Variants in IARS1 observed in about 807,000 individuals in gnomAD.
IARS1 encodes isoleucine--tRNA ligase, cytoplasmic.
Under a neutral mutation model 168.2 loss-of-function variants are expected in IARS1, and 124 were observed. That is an observed-to-expected ratio of 0.74 (90% confidence interval 0.64 to 0.86). The LOEUF (loss-of-function observed/expected upper bound fraction) is 0.86. IARS1 is among the 40% of genes least tolerant of loss of function. The probability of loss-of-function intolerance (pLI) is 0.00; values close to 1 mark genes in which losing one functional copy is unlikely to be tolerated. For missense variants in IARS1, 1,452 were observed against 1,515.8 expected (o/e 0.96, Z 0.70); for synonymous variants, 532 against 529.4 (o/e 1.00, Z -0.07).
chr9:92,252,480 T>C, intron 21 of IARS1: 1 of 469,306 alleles, frequency 2.1e-6, no homozygotes, highest in Non-Finnish European at 4.3e-6. Context: ...TTTTAAGACA[T>C]GACTGGCCAG....
chr9:92,262,876 G>T, intron 17 of IARS1, 93 bp downstream of exon 17: 1 of 842,428 alleles, frequency 1.2e-6, no homozygotes, highest in Non-Finnish European at 2.0e-6. Context: ...AGCTCCACCT[G>T]TCACTACAAC....
chr9:92,213,940 T>C (rs538946826), intron 33 of IARS1, among the ~76,000 whole-genome samples: 4 of 152,146 alleles, frequency 2.6e-5, no homozygotes, highest in African/African-American at 9.6e-5. Context: ...GCCTCCCAAG[T>C]AGCTGGGATT....
intron 6 of IARS1, among the ~76,000 whole-genome samples, chr9:92,285,013 C>T (rs557336211): frequency 1.3e-5 from 2 of 152,204 alleles, no homozygotes; most frequent in African/African-American, 2.4e-5. Flanking sequence ...ATAAATAAAA[C>T]GTGCTTTGAA....
Position 92,253,422 on chromosome 9 carries a change from C to A in IARS1, c.2169G>T (p.Leu723=). The A allele has an allele frequency of 1.2e-6, 2 of 1,613,724 alleles. No homozygotes were observed. ...AYRLYTVVPR[L]VKFVDILTNW... is the part of the protein sequence containing the mutation. ...TGGTCAGAATATCTACAAACTTGAC[C>A]AGGCGAGGCACCACAGTATAAAGCC... The change falls in exon 21 of 34, where the codon CTG becomes CTT. Residue 723 remains leucine, a synonymous_variant. Transcript: ENST00000443024.
At chr9:92,263,776 G>A (rs564198880) in intron 16 of IARS1, among the ~76,000 whole-genome samples, 6 of 152,296 alleles carry the variant, frequency 3.9e-5, no homozygotes, top group East Asian at 1.9e-4. Flanking sequence ...CCAAGGACAC[G>A]GGATCCACAT....
At chr9:92,252,764 CAAAAAAAAAA>C (rs34983021) in intron 21 of IARS1, among the ~76,000 whole-genome samples, 456 of 27,194 alleles carry the variant, frequency 0.017, 1 homozygote, top group South Asian at 0.061. Flanking sequence ...AACTCCTTCT[CAAAAAAAAAA>C]AAAAAAAAAA....
At chr9:92,280,008 C>A (rs77244478) in intron 7 of IARS1, among the ~76,000 whole-genome samples, 2 of 152,166 alleles carry the variant, frequency 1.3e-5, no homozygotes, top group African/African-American at 4.8e-5. Flanking sequence ...TTCCACTGTA[C>A]GTAAATACCC....
At chr9:92,245,317 T>G (rs1289545102) in intron 26 of IARS1, among the ~76,000 whole-genome samples, 1 of 152,172 alleles carries the variant, frequency 6.6e-6, no homozygotes, top group Non-Finnish European at 1.5e-5. Flanking sequence ...ATATAAACTC[T>G]CAGGTCCAAA....
intron 14 of IARS1, 121 bp downstream of exon 14, chr9:92,268,053 A>G: frequency 9.1e-7 from 1 of 1,094,442 alleles, no homozygotes; most frequent in Non-Finnish European, 1.3e-6. Context: ...ATAAAGAGGA[A>G]AAAAGATGAA....
chr9:92,268,224 T>C lies in IARS1; in HGVS notation c.1381A>G (p.Arg461Gly). ...AGTGGGATGGGGGTGCCCCAGTATC[T>C]GTTTCTGGAAATTGTCCAGTCACGT... ...DARDWTISRN[R>G]YWGTPIPLWV... The change falls in exon 14 of 34, where the codon AGA becomes GGA. Residue 461 changes from arginine to glycine, a missense_variant. Physicochemically the swap from Arg to Gly is moderately radical, Grantham distance 125. Coordinates refer to ENST00000443024, the MANE Select transcript of IARS1 (RefSeq NM_002161.6). 6.2e-7 allele frequency: 1 copy of C among 1,611,752 alleles called. No individual in the cohort carries two copies.
rs1830792649 is a variant in IARS1 at position 92,256,801 on chromosome 9, C to A, written c.2017-1G>T. On this transcript the variant is annotated splice_acceptor_variant, in intron 19 of 33. Coordinates refer to ENST00000443024, the MANE Select transcript of IARS1 (RefSeq NM_002161.6). LOFTEE classifies it high-confidence loss of function. Reference sequence around the variant, plus strand: ...TGTAGAGAAATTCTATTTCTTCCTCCTAGGAAGGAACAATTAATGAAACAC... The same window carrying A: ...TGTAGAGAAATTCTATTTCTTCCTCATAGGAAGGAACAATTAATGAAACAC... The A allele has an allele frequency of 1.9e-6, 3 of 1,609,570 alleles. No homozygotes were observed. The highest frequency in any genetic ancestry group is 2.5e-6 in the Non-Finnish European group (3 of 1,177,144).
At chr9:92,242,362 A>T (rs1365839046) in intron 28 of IARS1, 32 bp from the exon 29 acceptor site, 2 of 1,563,630 alleles carry the variant, frequency 1.3e-6, no homozygotes, top group Non-Finnish European at 1.7e-6. Context: ...TTTAAAAGGG[A>T]AGTACATTCT....
rs1013245017 is a variant in IARS1 at position 92,277,853 on chromosome 9, C to T, written c.894+10G>A. 1.2e-6 allele frequency: 2 copies of T among 1,612,614 alleles called. No individual in the cohort carries two copies. The highest frequency in any genetic ancestry group is 3.3e-5 in the Admixed American group (2 of 59,898). On this transcript the variant is annotated intron_variant, in intron 9 of 33. Coordinates refer to ENST00000443024, the MANE Select transcript of IARS1 (RefSeq NM_002161.6). ...TGGAGAGCGCCCACAGTAGCGGTCC[C>T]TAAGCTTACCTTCAGGAAATAGTCA...
rs984317506 is a variant in IARS1 at position 92,281,135 on chromosome 9, C to G, written c.598-242G>C. 1.3e-4 allele frequency among the ~76,000 whole-genome samples: 17 copies of G among 135,540 alleles called. No individual in the cohort carries two copies. The East Asian group carries it at 3.2e-3, about 25-fold the overall frequency. 88.9% of individuals were successfully genotyped at this position (135,540 alleles called of 152,430 possible). ...AATAATGTCTTTTGACACCTGGTGA[C>G]TTTTTTTTTTTTTTTTTTAGATGGA... On this transcript the variant is annotated intron_variant, in intron 6 of 33. Coordinates refer to ENST00000443024, the MANE Select transcript of IARS1 (RefSeq NM_002161.6).
At chr9:92,271,324 T>C (rs1832997425) in intron 11 of IARS1, among the ~76,000 whole-genome samples, 1 of 152,212 alleles carries the variant, frequency 6.6e-6, no homozygotes, top group South Asian at 2.1e-4. Context: ...CTGGAGTTTT[T>C]CTGATCTTTC....
intron 33 of IARS1, 79 bp downstream of exon 33, chr9:92,222,441 G>A (rs541974742): frequency 9.5e-7 from 1 of 1,047,630 alleles, no homozygotes. Flanking sequence ...TATCTTACAT[G>A]TATATGCTAC....
intron 6 of IARS1, among the ~76,000 whole-genome samples, chr9:92,284,845 T>G (rs762761073): frequency 3.3e-5 from 5 of 152,218 alleles, no homozygotes; most frequent in Non-Finnish European, 5.9e-5. Flanking sequence ...AACCTTGTGT[T>G]TACCATATCA....
At chr9:92,230,189 C>T (rs1405953768) in intron 30 of IARS1, among the ~76,000 whole-genome samples, 10 of 152,018 alleles carry the variant, frequency 6.6e-5, no homozygotes. Flanking sequence ...CGGCTCACCG[C>T]AACCTCTGCC....
intron 7 of IARS1, 65 bp from the exon 8 acceptor site, chr9:92,278,351 G>A (rs1233631126): frequency 5.6e-6 from 6 of 1,069,392 alleles, no homozygotes; most frequent in African/African-American, 3.1e-5. Context: ...CCAAAGACAT[G>A]CATCAAGCAT....
Sources: gnomAD v4.1 joint callset for allele counts (sites outside exome capture counted in the v4.1 genomes callset) on GRCh38, gnomAD v4.1.1 for gene constraint, MANE v1.5 for transcripts, NCBI Gene and HGNC (gene_info 2026-07-23, HGNC 2026-07-21) for gene names.